ANKRD40CL: variants seen among roughly 807,000 people sequenced by gnomAD.
ANKRD40CL encodes putative ANKRD40 C-terminal-like protein.
For missense variants in ANKRD40CL, 11 were observed against 6.4 expected (o/e 1.71, Z -0.77); for synonymous variants, 5 against 2.3 (o/e 2.14, Z -1.04).
chr17:50,764,487 C>G (rs1027222622), intron 2 of ANKRD40CL: 18 of 354,684 alleles, frequency 5.1e-5, no homozygotes, highest in African/African-American at 2.9e-4. Flanking sequence ...GGTGCGTAAT[C>G]TGGGGAAGAA....
At chr17:50,761,930 G>A (rs1323325285) in intron 3 of ANKRD40CL, among the ~76,000 whole-genome samples, 2 of 151,738 alleles carry the variant, frequency 1.3e-5, no homozygotes, top group African/African-American at 2.4e-5. Flanking sequence ...GTCCCCATAA[G>A]ATAGTTCTGT....
rs1971241711 is a variant in ANKRD40CL, at chr17:50,763,508, C to T, written c.90G>A (p.Lys30=). The change falls in exon 3 of 4, where the codon AAG becomes AAA. Residue 30 remains lysine, a synonymous_variant. Transcript: ENST00000450727. The part of the protein sequence containing the change: ...KENDFIEIEL[K]RQELSYQNLL... ...GGTTTTGGTAACTCAGTTCTTGTCT[C>T]TTCAGTTCAATTTCAATGAAGTCAT... The T allele has an allele frequency of 2.5e-6, 1 of 398,920 alleles. No homozygotes were observed. The highest frequency in any genetic ancestry group is 1.3e-4 in the South Asian group (1 of 7,864). 24.7% of individuals were successfully genotyped at this position (398,920 alleles called of 1,614,324 possible).
At chr17:50,765,510 T>C (rs1971287503) in intron 2 of ANKRD40CL, among the ~76,000 whole-genome samples, 1 of 152,220 alleles carries the variant, frequency 6.6e-6, no homozygotes, top group African/African-American at 2.4e-5. Flanking sequence ...AAATTGAGGC[T>C]GAAAGGGGAA....
chr17:50,764,241 A>G (rs369020994), intron 2 of ANKRD40CL: 55 of 398,602 alleles, frequency 1.4e-4, no homozygotes, highest in Middle Eastern at 6.3e-4. Context: ...CTTCTTGTTT[A>G]TATTCACCTG....
Position 50,763,484 on chromosome 17 carries a change from G to T in ANKRD40CL, c.114C>A (p.Asn38Lys), listed in dbSNP as rs898546116. The change falls in exon 3 of 4, where the codon AAC becomes AAA. Residue 38 changes from asparagine to lysine, a missense_variant. Coordinates refer to ENST00000450727, the MANE Select transcript of ANKRD40CL (RefSeq NM_001358683.3). ...ELKRQELSYQNLLNVSCCELG... is the reference protein window; with the variant it reads ...ELKRQELSYQKLLNVSCCELG... ...GTTCACAGCAACTCACGTTTAGTAG[G>T]TTTTGGTAACTCAGTTCTTGTCTCT... is the stretch of plus-strand genomic sequence containing the variant. The T allele has an allele frequency of 1.8e-5, 7 of 398,908 alleles. No individual in the cohort carries two copies. Among genetic ancestry groups the T allele is most frequent in the African/African-American group, 4.1e-5 (2 of 48,612 alleles). The allele number at this position is 398,908 out of a possible 1,614,324, so 24.7% of individuals were successfully genotyped here.
In ANKRD40CL at chr17:50,763,516, C is replaced by A; in HGVS notation, c.82G>T (p.Glu28Ter). ...NPKENDFIEI[E>*]LKRQELSYQN... ...TAACTCAGTTCTTGTCTCTTCAGTTCAATTTCAATGAAGTCATTTTCTTTG... is the reference window on the plus strand; with the variant it reads ...TAACTCAGTTCTTGTCTCTTCAGTTAAATTTCAATGAAGTCATTTTCTTTG... Residue 28 changes from glutamate to a stop codon, truncating the protein, a stop_gained, in exon 3 of 4, where the codon GAA becomes TAA. Coordinates refer to ENST00000450727, the MANE Select transcript of ANKRD40CL (RefSeq NM_001358683.3). LOFTEE classifies it high-confidence loss of function. 2.5e-6 allele frequency: 1 copy of A among 399,034 alleles called. No individual in the cohort carries two copies. The highest frequency in any genetic ancestry group is 4.4e-6 in the Non-Finnish European group (1 of 226,064). 24.7% of individuals were successfully genotyped at this position (399,034 alleles called of 1,614,324 possible). A position where few individuals can be genotyped will look rare whatever the true frequency, so the allele number is the denominator to read the frequency against.
rs1206955891 is a variant in ANKRD40CL, at chr17:50,763,268, A to C, written c.201+129T>G. 4 of 398,046 alleles carry C rather than the reference A, an allele frequency of 1.0e-5. No individual in the cohort carries two copies. In the East Asian group the frequency reaches 1.4e-4, roughly 14 times the overall value. The allele number at this position is 398,046 out of a possible 1,614,324, so 24.7% of individuals were successfully genotyped here. On this transcript the variant is annotated intron_variant, in intron 3 of 3. Transcript: ENST00000450727. Reference sequence around the variant, plus strand: ...AAAAGCGCCAGATTGAAAATGACCTAGCTACCATGTTTGGCCGTTTTGCAG... The same window carrying C: ...AAAAGCGCCAGATTGAAAATGACCTCGCTACCATGTTTGGCCGTTTTGCAG...
chr17:50,762,273 T>G (rs1161967290), intron 3 of ANKRD40CL, among the ~76,000 whole-genome samples: 1 of 152,108 alleles, frequency 6.6e-6, no homozygotes, highest in African/African-American at 2.4e-5. Context: ...GACATGTTAG[T>G]TTACAAAGAA....
chr17:50,764,606 A>G (rs1429968166), intron 2 of ANKRD40CL: 2 of 177,678 alleles, frequency 1.1e-5, no homozygotes, highest in African/African-American at 4.7e-5. Context: ...GGGTGTCTTT[A>G]TAAGGAGAAA....
intron 1 of ANKRD40CL, 168 bp downstream of exon 1, chr17:50,767,295 C>A: frequency 2.4e-6 from 1 of 418,082 alleles, no homozygotes; most frequent in East Asian, 5.6e-5. Flanking sequence ...GGGGCCAGGC[C>A]CTCTTTCTTG....
At chr17:50,766,728 T>G (rs1380137727) in intron 2 of ANKRD40CL, 146 bp downstream of exon 2, 1 of 562,248 alleles carries the variant, frequency 1.8e-6, no homozygotes, top group African/African-American at 1.9e-5. Flanking sequence ...TTTGGTCTAG[T>G]TGCTCTGCTC....
At chr17:50,762,923 G>GGTCTA (rs2143143340) in intron 3 of ANKRD40CL, 1 of 152,088 alleles carries the variant, frequency 6.6e-6, no homozygotes, top group South Asian at 2.1e-4. Flanking sequence ...TTTGAGACAG[G>GGTCTA]GTCTAGCTCT....
Position 50,766,889 on chromosome 17 carries a change from C to T in ANKRD40CL, c.25G>A (p.Gly9Arg), listed in dbSNP as rs760854444. 36 of 673,362 alleles carry T rather than the reference C, an allele frequency of 5.3e-5. No individual in the cohort carries two copies. Among genetic ancestry groups the T allele is most frequent in the South Asian group, 4.0e-4 (25 of 62,746 alleles). The allele number at this position is 673,362 out of a possible 1,614,324, so 41.7% of individuals were successfully genotyped here. A position where few individuals can be genotyped will look rare whatever the true frequency, so the allele number is the denominator to read the frequency against. Residue 9 changes from glycine to arginine, a missense_variant, in exon 2 of 4, where the codon GGG (glycine) becomes AGG (arginine). Gly to Arg is a moderately radical substitution (Grantham distance 125). Coordinates refer to ENST00000450727, the MANE Select transcript of ANKRD40CL (RefSeq NM_001358683.3). MAEPEQDI[G>R]EKPAVRIQNP... Reference sequence around the variant, plus strand: ...CCAGACTCACCTGCTGGCTTCTCCCCGATGTCCTGTTCCGGTTCAGCCATG... The same window carrying T: ...CCAGACTCACCTGCTGGCTTCTCCCTGATGTCCTGTTCCGGTTCAGCCATG...
At chr17:50,765,156 G>A (rs905469421) in intron 2 of ANKRD40CL, 1 of 152,166 alleles carries the variant, frequency 6.6e-6, no homozygotes, top group South Asian at 2.1e-4. Context: ...AATATACCCT[G>A]GATTTTGGAG....
intron 3 of ANKRD40CL, among the ~76,000 whole-genome samples, 185 bp from the exon 4 acceptor site, chr17:50,761,691 G>A (rs1051607074): frequency 3.3e-5 from 5 of 151,908 alleles, no homozygotes; most frequent in African/African-American, 1.2e-4. Flanking sequence ...TGCAACCTCC[G>A]CCTCCCAGGT....
intron 2 of ANKRD40CL, among the ~76,000 whole-genome samples, chr17:50,766,404 C>G (rs1157444904): frequency 4.6e-5 from 7 of 152,210 alleles, no homozygotes; most frequent in Admixed American, 4.6e-4. Flanking sequence ...CGTTTGAAAG[C>G]ATTTTATTCT....
In ANKRD40CL at chr17:50,767,091, G is replaced by T. The variant is rs1450468650; in HGVS notation, c.-98-80C>A. 3 of 688,154 alleles carry T rather than the reference G, an allele frequency of 4.4e-6. No homozygotes were observed. In the Admixed American group the frequency reaches 6.1e-5, roughly 14 times the overall value. The allele number at this position is 688,154 out of a possible 1,614,324, so 42.6% of individuals were successfully genotyped here. On this transcript the variant is annotated intron_variant, in intron 1 of 3. Transcript: ENST00000450727. ...TTTTTATTTTATAGATAGGGAAAAG[G>T]AGGCTGCAGCGTGTGGCATGATTTG... is the stretch of plus-strand genomic sequence containing the variant.
chr17:50,766,412 T>C (rs1468133276), intron 2 of ANKRD40CL: 1 of 158,904 alleles, frequency 6.3e-6, no homozygotes, highest in Non-Finnish European at 1.4e-5. Context: ...AGCATTTTAT[T>C]CTGTGGTCAA....
At chr17:50,766,777 C>T in intron 2 of ANKRD40CL, 97 bp downstream of exon 2, 1 of 590,862 alleles carries the variant, frequency 1.7e-6, no homozygotes, top group Non-Finnish European at 3.0e-6. Context: ...GGCCACAGGG[C>T]ACTGCTGGCC....
Sources: allele counts gnomAD v4.1 joint callset (sites outside exome capture counted in the v4.1 genomes callset), GRCh38; gene constraint gnomAD v4.1.1; transcripts MANE v1.5; gene names NCBI Gene and HGNC (gene_info 2026-07-23, HGNC 2026-07-21).